Variants in MAGI1 observed in about 807,000 individuals in gnomAD.
MAGI1 encodes membrane-associated guanylate kinase, WW and PDZ domain-containing protein 1.
A neutral mutation model predicts 139.9 loss-of-function variants in MAGI1; 58 were observed. That is an observed-to-expected ratio of 0.41 (90% CI 0.34 to 0.52). The LOEUF (loss-of-function observed/expected upper bound fraction) is 0.52. Among genes scored for constraint, MAGI1 ranks in the 20% least tolerant of loss-of-function variants. MAGI1 has a pLI of 0.12. For missense variants in MAGI1, 1,874 were observed against 1,901.6 expected (o/e 0.99, Z 0.27); for synonymous variants, 812 against 737.9 (o/e 1.10, Z -1.63).
rs1353815178 is a variant in MAGI1 at position 65,440,987 on chromosome 3, G to GTC, written c.1137-977_1137-976dup. Among the ~76,000 whole-genome samples the GTC allele has an allele frequency of 9.2e-5, 14 of 151,878 alleles. No homozygotes were observed. The East Asian group carries it at 2.5e-3, about 27-fold the overall frequency. On this transcript the variant is annotated intron_variant, in intron 8 of 22. Transcript: ENST00000402939. ...ACATTATTTATTGTTTTTTGAGACA[G>GTC]TCTCTCTCTGTCACCCAGGCTGGAG...
intron 2 of MAGI1, among the ~76,000 whole-genome samples, chr3:65,577,734 T>C (rs1463832373): frequency 6.6e-6 from 1 of 152,226 alleles, no homozygotes; most frequent in African/African-American, 2.4e-5. Flanking sequence ...AGCCAGGCTG[T>C]ATACAAAATG....
At chr3:65,624,567 G>A (rs2083864055) in intron 1 of MAGI1, among the ~76,000 whole-genome samples, 1 of 152,196 alleles carries the variant, frequency 6.6e-6, no homozygotes, top group Admixed American at 6.5e-5. Flanking sequence ...TTTTGGGATG[G>A]ACTAAAAAAT....
chr3:65,503,417 G>A (rs957054720), intron 2 of MAGI1, among the ~76,000 whole-genome samples: 3 of 152,076 alleles, frequency 2.0e-5, no homozygotes, highest in African/African-American at 7.2e-5. Flanking sequence ...TTGAATAATG[G>A]GGCATTCTCT....
At chr3:66,013,977 G>A (rs956708773) in intron 1 of MAGI1, among the ~76,000 whole-genome samples, 8 of 152,182 alleles carry the variant, frequency 5.3e-5, no homozygotes, top group East Asian at 1.9e-4. Context: ...TGGTGGCTCC[G>A]CAGTGAACCA....
intron 12 of MAGI1, chr3:65,401,681 G>C: frequency 1.3e-6 from 2 of 1,542,782 alleles, no homozygotes; most frequent in Non-Finnish European, 1.7e-6. Flanking sequence ...AGATCTATCT[G>C]CATTAGCTAT....
intron 3 of MAGI1, among the ~76,000 whole-genome samples, chr3:65,479,768 C>T (rs954003364): frequency 4.6e-5 from 7 of 151,912 alleles, no homozygotes; most frequent in Admixed American, 1.3e-4. Context: ...AAAAAGTAAG[C>T]TATTTTTTTA....
chr3:65,658,820 C>T (rs1218566751), intron 1 of MAGI1, among the ~76,000 whole-genome samples: 2 of 152,196 alleles, frequency 1.3e-5, no homozygotes, highest in East Asian at 3.9e-4. Flanking sequence ...GAAATAAGTG[C>T]AAAGCACAAT....
chr3:65,367,480 T>C lies in MAGI1; in HGVS notation c.3197-2534A>G, dbSNP rs2291128. Among the ~76,000 whole-genome samples the C allele has an allele frequency of 7.0e-4, 106 of 152,304 alleles. 1 individual carries two copies. In the East Asian group the frequency reaches 0.019, roughly 27 times the overall value. On this transcript the variant is annotated intron_variant, in intron 18 of 22. Coordinates refer to ENST00000402939, the MANE Select transcript of MAGI1 (RefSeq NM_001033057.2). ...AAAATTAACATTTAGCATGGAAATG[T>C]CGATTTGACCTTGCTGAATTTTCCT...
At chr3:65,675,414 C>T (rs373045088) in intron 1 of MAGI1, among the ~76,000 whole-genome samples, 8 of 152,072 alleles carry the variant, frequency 5.3e-5, no homozygotes, top group South Asian at 2.1e-4. Flanking sequence ...GATTTAAAAA[C>T]GGGGGAAATG....
At position 65,846,593 on chromosome 3, in the gene MAGI1, A is replaced by AG. The variant is rs140120734; in HGVS notation, c.313+191402dup. Among the ~76,000 whole-genome samples the AG allele has an allele frequency of 4.0e-3, 617 of 152,360 alleles. 13 individuals are homozygous for AG. The highest frequency in any genetic ancestry group is 0.04 in the East Asian group (208 of 5,184). Reference sequence around the variant, plus strand: ...GTAGCAACTGCCTCAAAGTACCAGCAGTCATGATCACCAATATGTTTTGAG... The same window carrying AG: ...GTAGCAACTGCCTCAAAGTACCAGCAGGTCATGATCACCAATATGTTTTGAG... On this transcript the variant is annotated intron_variant, in intron 1 of 22. Coordinates refer to ENST00000402939, the MANE Select transcript of MAGI1 (RefSeq NM_001033057.2).
chr3:65,734,845 G>A (rs2034572252), intron 1 of MAGI1, among the ~76,000 whole-genome samples: 1 of 148,664 alleles, frequency 6.7e-6, no homozygotes, highest in Non-Finnish European at 1.5e-5. Flanking sequence ...GGACAGAGAA[G>A]GAAATGGTGG....
chr3:65,782,308 T>G (rs1206150319), intron 1 of MAGI1, among the ~76,000 whole-genome samples: 1 of 152,012 alleles, frequency 6.6e-6, no homozygotes, highest in Non-Finnish European at 1.5e-5. Context: ...GGATACAACG[T>G]TGCTAGCAGG....
At chr3:65,718,035 T>G (rs2032489040) in intron 1 of MAGI1, among the ~76,000 whole-genome samples, 1 of 152,098 alleles carries the variant, frequency 6.6e-6, no homozygotes, top group African/African-American at 2.4e-5. Context: ...TTATGAACAT[T>G]CTATAACATC....
intron 1 of MAGI1, among the ~76,000 whole-genome samples, chr3:65,782,893 A>G (rs1032073995): frequency 1.1e-4 from 17 of 151,328 alleles, no homozygotes; most frequent in Non-Finnish European, 2.4e-4. Context: ...GTAAGAGCTA[A>G]ATTATTAAAC....
rs55814110 is a variant in MAGI1, at chr3:65,802,848, C to CTGTGTGTGTGTGTGTG, written c.314-180776_314-180761dup. ...AACTCCACTCAAAAGATCATCTCAT[C>CTGTGTGTGTGTGTGTG]TGTGTGTGTGTGTGTGTGTGTGTGT... is the stretch of plus-strand genomic sequence containing the variant. On this transcript the variant is annotated intron_variant, in intron 1 of 22. Transcript: ENST00000402939. Among the ~76,000 whole-genome samples the CTGTGTGTGTGTGTGTG allele has an allele frequency of 1.2e-3, 169 of 138,220 alleles. 1 individual carries two copies. Among genetic ancestry groups the CTGTGTGTGTGTGTGTG allele is most frequent in the South Asian group, 8.6e-3 (33 of 3,840 alleles). The allele number at this position is 138,220 out of a possible 152,430, so 90.7% of individuals were successfully genotyped here. A position where few individuals can be genotyped will look rare whatever the true frequency, so the allele number is the denominator to read the frequency against.
At chr3:65,573,116 C>G (rs968774807) in intron 2 of MAGI1, among the ~76,000 whole-genome samples, 3 of 149,450 alleles carry the variant, frequency 2.0e-5, no homozygotes, top group Non-Finnish European at 3.0e-5. Context: ...ATATTCATTC[C>G]TTTCACAAAA....
At chr3:65,700,166 G>C (rs1464154460) in intron 1 of MAGI1, among the ~76,000 whole-genome samples, 1 of 152,174 alleles carries the variant, frequency 6.6e-6, no homozygotes, top group Non-Finnish European at 1.5e-5. Context: ...ATAGCAGGCT[G>C]GGCGCGGTGA....
At chr3:65,881,700 T>C (rs1461879676) in intron 1 of MAGI1, among the ~76,000 whole-genome samples, 2 of 152,158 alleles carry the variant, frequency 1.3e-5, no homozygotes, top group Non-Finnish European at 2.9e-5. Context: ...CATCAAATGA[T>C]TTTTATTTTG....
Position 65,440,925 on chromosome 3 carries a change from CA to C in MAGI1, c.1137-914del, listed in dbSNP as rs1361232505. On this transcript the variant is annotated intron_variant, in intron 8 of 22. Transcript: ENST00000402939. ...GTGTGTATATATATATACACACACA[CA>C]CATATACACACACACAAGCATATAC... Among the ~76,000 whole-genome samples, 4 of 150,632 alleles carry C rather than the reference CA, an allele frequency of 2.7e-5. No individual in the cohort carries two copies. The East Asian group carries it at 7.8e-4, about 29-fold the overall frequency.
Sources: gnomAD v4.1 joint callset for allele counts (sites outside exome capture counted in the v4.1 genomes callset) on GRCh38, gnomAD v4.1.1 for gene constraint, MANE v1.5 for transcripts, NCBI Gene and HGNC (gene_info 2026-07-23, HGNC 2026-07-21) for gene names.